Variants in SIPA1L1 observed in about 807,000 individuals in gnomAD.
SIPA1L1 encodes the protein signal-induced proliferation-associated 1-like protein 1.
A neutral mutation model predicts 162.7 loss-of-function variants in SIPA1L1; 26 were observed. The observed-to-expected ratio is 0.16, with a 90% confidence interval of 0.12 to 0.22. The LOEUF (loss-of-function observed/expected upper bound fraction) is 0.22. SIPA1L1 is among the 10% of genes least tolerant of loss of function. SIPA1L1 has a pLI of 1.00. For synonymous variants in SIPA1L1, 829 were observed against 837.4 expected (o/e 0.99, Z 0.17); for missense variants, 1,874 against 2,241.0 (o/e 0.84, Z 3.31).
At position 71,740,096 on chromosome 14, in the gene SIPA1L1, T is replaced by C. The variant is rs1310161285; in HGVS notation, c.*935T>C. On this transcript the variant is annotated 3_prime_UTR_variant, in exon 24 of 24. Transcript: ENST00000381232. ...TGTGGCACAACTGGTTTTTTTAGCT[T>C]GCTGAAAATGACCATATCTCTAAAT... The C allele has an allele frequency of 1.3e-5, 2 of 152,218 alleles. No homozygotes were observed. The highest frequency in any genetic ancestry group is 4.8e-5 in the African/African-American group (2 of 41,454). The allele number at this position is 152,218 out of a possible 1,614,324, so 9.4% of individuals were successfully genotyped here. A position where few individuals can be genotyped will look rare whatever the true frequency, so the allele number is the denominator to read the frequency against.
intron 2 of SIPA1L1, among the ~76,000 whole-genome samples, chr14:71,324,528 T>G (rs931100042): frequency 2.0e-5 from 3 of 152,218 alleles, no homozygotes; most frequent in Non-Finnish European, 4.4e-5. Flanking sequence ...GGTGAGGTTG[T>G]AAAGCTATGA....
intron 4 of SIPA1L1, chr14:71,586,693 A>C (rs2034655612): frequency 1.3e-5 from 2 of 152,210 alleles, no homozygotes; most frequent in African/African-American, 4.8e-5. Flanking sequence ...GAAGGATGCT[A>C]ACAGTTCTCT....
chr14:71,571,901 T>C (rs1349285508), intron 4 of SIPA1L1, among the ~76,000 whole-genome samples: 1 of 151,386 alleles, frequency 6.6e-6, no homozygotes, highest in African/African-American at 2.4e-5. Flanking sequence ...ATCCGCTCGC[T>C]TCAGCCTCCC....
intron 2 of SIPA1L1, among the ~76,000 whole-genome samples, chr14:71,466,155 C>T (rs887314908): frequency 1.3e-5 from 2 of 152,182 alleles, no homozygotes; most frequent in Non-Finnish European, 2.9e-5. Context: ...ATGTCCAAGT[C>T]AGTGTACTTT....
At chr14:71,735,480 G>A (rs973622328) in intron 22 of SIPA1L1, 89 bp downstream of exon 22, 13 of 901,234 alleles carry the variant, frequency 1.4e-5, no homozygotes, top group South Asian at 2.9e-5. Flanking sequence ...GAAGCCACAC[G>A]GAGTAGCTGA....
At position 71,356,567 on chromosome 14, in the gene SIPA1L1, C is replaced by CA. The variant is rs71105772; in HGVS notation, c.-465+35406dup. ...GCAACATAGCAAGACCTTGTCTCTACAAAAAAAAAAAAAAAAAAAAGCACA... is the reference window on the plus strand; with the variant it reads ...GCAACATAGCAAGACCTTGTCTCTACAAAAAAAAAAAAAAAAAAAAAGCACA... On this transcript the variant is annotated intron_variant, in intron 2 of 23. Transcript: ENST00000381232. Among the ~76,000 whole-genome samples the CA allele has an allele frequency of 1.1e-3, 44 of 39,158 alleles. 5 individuals are homozygous for CA. Among genetic ancestry groups the CA allele is most frequent in the Middle Eastern group, 0.036 (1 of 28 alleles). The allele number at this position is 39,158 out of a possible 152,430, so 25.7% of individuals were successfully genotyped here.
At chr14:71,647,426 C>T (rs1312239642) in intron 7 of SIPA1L1, among the ~76,000 whole-genome samples, 1 of 151,632 alleles carries the variant, frequency 6.6e-6, no homozygotes, top group Admixed American at 6.6e-5. Context: ...ATAAATTAAT[C>T]CTTTTGAGTG....
chr14:71,695,713 T>C (rs1011512255), intron 13 of SIPA1L1, among the ~76,000 whole-genome samples: 1 of 152,210 alleles, frequency 6.6e-6, no homozygotes, highest in Non-Finnish European at 1.5e-5. Flanking sequence ...CACTGCTGTC[T>C]CCTTTTTTTC....
At chr14:71,364,885 A>G (rs2140920532) in intron 2 of SIPA1L1, among the ~76,000 whole-genome samples, 1 of 151,398 alleles carries the variant, frequency 6.6e-6, no homozygotes, top group South Asian at 2.1e-4. Flanking sequence ...AGCCAGGACT[A>G]CAGGCGCATG....
chr14:71,584,817 A>G (rs976912174), intron 4 of SIPA1L1, among the ~76,000 whole-genome samples: 10 of 152,198 alleles, frequency 6.6e-5, no homozygotes, highest in African/African-American at 2.2e-4. Context: ...TGCTCTTTCA[A>G]CAGATGGAGG....
chr14:71,392,003 G>A (rs753239117), intron 2 of SIPA1L1, among the ~76,000 whole-genome samples: 2 of 152,188 alleles, frequency 1.3e-5, no homozygotes, highest in African/African-American at 2.4e-5. Context: ...CATCAGGTGG[G>A]TATAAGAGGA....
intron 13 of SIPA1L1, among the ~76,000 whole-genome samples, chr14:71,689,688 A>G (rs992120819): frequency 6.6e-6 from 1 of 152,118 alleles, no homozygotes; most frequent in Non-Finnish European, 1.5e-5. Flanking sequence ...TTATGTAAAT[A>G]TTTGATGTTA....
In SIPA1L1 at chr14:71,588,907, G is replaced by T. The variant is rs1210769170; in HGVS notation, c.1035G>T (p.Glu345Asp). 3.7e-6 allele frequency: 6 copies of T among 1,614,050 alleles called. No homozygotes were observed. Among genetic ancestry groups the T allele is most frequent in the Non-Finnish European group, 5.1e-6 (6 of 1,179,978 alleles). ...AGAGTATATTATTTGATTTGAATGA[G>T]GCAATTATGAACAGGCACAATGTTA... The part of the protein sequence containing the change: ...DVQSILFDLN[E>D]AIMNRHNVIK... Residue 345 changes from glutamate to aspartate, a missense_variant, in exon 5 of 24, where the codon GAG becomes GAT. Around this residue, in one of 5 missense-constraint regions of SIPA1L1, gnomAD observed 685 missense variants for 828.0 expected, o/e 0.83. Coordinates refer to ENST00000381232, the MANE Select transcript of SIPA1L1 (RefSeq NM_001386936.1). The surrounding 1 kb of genome is among the most constrained non-coding windows in gnomAD (Gnocchi z 4.3).
chr14:71,465,401 A>C (rs534647892), intron 2 of SIPA1L1, among the ~76,000 whole-genome samples: 1 of 152,260 alleles, frequency 6.6e-6, no homozygotes, highest in Non-Finnish European at 1.5e-5. Flanking sequence ...ATTTTCCTTC[A>C]TCACTTTGTC....
At chr14:71,484,748 A>G (rs1225303861) in intron 2 of SIPA1L1, among the ~76,000 whole-genome samples, 1 of 152,238 alleles carries the variant, frequency 6.6e-6, no homozygotes. Context: ...CAGAGACTTG[A>G]CAGTAGGCTT....
At chr14:71,719,014 C>T (rs1293114525) in intron 17 of SIPA1L1, among the ~76,000 whole-genome samples, 3 of 152,006 alleles carry the variant, frequency 2.0e-5, no homozygotes, top group Non-Finnish European at 1.5e-5. Flanking sequence ...ACTTGGCTCA[C>T]TGCAGCCTCA....
intron 14 of SIPA1L1, among the ~76,000 whole-genome samples, chr14:71,700,124 T>C (rs1488688619): frequency 6.6e-6 from 1 of 151,868 alleles, no homozygotes; most frequent in Non-Finnish European, 1.5e-5. Context: ...TGAAAATGTT[T>C]TCCAAAGCAG....
intron 5 of SIPA1L1, among the ~76,000 whole-genome samples, chr14:71,617,212 T>C (rs1030602793): frequency 6.6e-6 from 1 of 152,244 alleles, no homozygotes; most frequent in Non-Finnish European, 1.5e-5. Context: ...TCAGTTGTTC[T>C]ATCACATTGC....
chr14:71,497,039 C>T (rs1037050031), intron 2 of SIPA1L1, among the ~76,000 whole-genome samples: 2 of 151,868 alleles, frequency 1.3e-5, no homozygotes, highest in South Asian at 2.1e-4. Context: ...CATGGTGGCG[C>T]GTGTCTGTAA....
Sources: allele counts gnomAD v4.1 joint callset (sites outside exome capture counted in the v4.1 genomes callset), GRCh38; gene constraint gnomAD v4.1.1; regional missense constraint gnomAD v4.1.1; non-coding constraint Gnocchi (gnomAD v3.1); transcripts MANE v1.5; gene names NCBI Gene and HGNC (gene_info 2026-07-23, HGNC 2026-07-21).